Variants in NAP1L4 observed in about 807,000 individuals in gnomAD.
The protein encoded by NAP1L4 is nucleosome assembly protein 1 like 4, also known as nucleosome assembly protein 1-like 4.
NAP1L4 carries 15 observed loss-of-function variants against 58.2 expected under a neutral mutation model. The observed-to-expected ratio is 0.26, with a 90% CI of 0.17 to 0.40. NAP1L4 has a LOEUF of 0.40. Among genes scored for constraint, NAP1L4 ranks in the 10% least tolerant of loss-of-function variants. NAP1L4 has a pLI of 1.00. For synonymous variants in NAP1L4, 171 were observed against 155.6 expected, an observed-to-expected ratio of 1.10 and a Z score of -0.74; for missense variants, 384 against 451.1, an observed-to-expected ratio of 0.85 and a Z score of 1.35.
In NAP1L4 at chr11:2,951,722, G is replaced by C; in HGVS notation, c.1065+58C>G. On this transcript the variant is annotated intron_variant, in intron 13 of 15. Transcript: ENST00000380542. This position sits in a 1 kb window ranked among gnomAD's most constrained non-coding sequence, Gnocchi z 4.0. ...TGTGAGTCCATAACCTTCAAGCAGA[G>C]AAAGCCAAAGAAACAACTTCAGGGA... The C allele has an allele frequency of 1.3e-6, 2 of 1,574,446 alleles. No individual in the cohort carries two copies. Among genetic ancestry groups the C allele is most frequent in the Non-Finnish European group, 1.7e-6 (2 of 1,145,438 alleles).
intron 1 of NAP1L4, among the ~76,000 whole-genome samples, chr11:2,984,878 C>A (rs905374082): frequency 3.3e-5 from 5 of 151,896 alleles, no homozygotes; most frequent in African/African-American, 1.2e-4. Context: ...ACCAACAAAT[C>A]AAGTTACTTT....
intron 10 of NAP1L4, chr11:2,958,155 G>GAA (rs1277949085): frequency 3.0e-6 from 2 of 670,528 alleles, no homozygotes; most frequent in Non-Finnish European, 5.5e-6. Flanking sequence ...CAGCCAAGCA[G>GAA]AGTAAAGCTC....
rs375217887 is a variant in NAP1L4 at position 2,954,665 on chromosome 11, C to T, written c.916-19G>A. The T allele has an allele frequency of 4.1e-5, 66 of 1,613,970 alleles. No individual in the cohort carries two copies. The highest frequency in any genetic ancestry group is 4.7e-5 in the Non-Finnish European group (55 of 1,179,970). On this transcript the variant is annotated intron_variant, in intron 11 of 15. Coordinates refer to ENST00000380542, the MANE Select transcript of NAP1L4 (RefSeq NM_005969.4). This position sits in a 1 kb window ranked among gnomAD's most constrained non-coding sequence, Gnocchi z 4.8. The stretch of plus-strand genomic sequence containing the variant: ...CTTCATCCTGAGGAGGAAAAACCTA[C>T]GTGTTAACTCATTTTAATGGGATAA...
chr11:2,983,378 G>C (rs1355728310), intron 1 of NAP1L4, among the ~76,000 whole-genome samples: 1 of 152,088 alleles, frequency 6.6e-6, no homozygotes, highest in African/African-American at 2.4e-5. Context: ...GAGACACACA[G>C]TCTCACTCTG....
intron 8 of NAP1L4, among the ~76,000 whole-genome samples, chr11:2,962,661 A>G (rs1463992039): frequency 1.3e-5 from 2 of 152,078 alleles, no homozygotes; most frequent in Non-Finnish European, 2.9e-5. Flanking sequence ...ATAATAGGGA[A>G]GTAAAAAGAA....
intron 1 of NAP1L4, among the ~76,000 whole-genome samples, chr11:2,985,527 T>A (rs1564992650): frequency 3.3e-5 from 5 of 152,218 alleles, no homozygotes. Context: ...TGACTATAGT[T>A]AACAACAATG....
chr11:2,949,328 T>C lies in NAP1L4; in HGVS notation c.1123-64A>G, dbSNP rs1355177775. On this transcript the variant is annotated intron_variant, in intron 14 of 15. Coordinates refer to ENST00000380542, the MANE Select transcript of NAP1L4 (RefSeq NM_005969.4). The surrounding 1 kb of genome is among the most constrained non-coding windows in gnomAD (Gnocchi z 4.0). ...AAAGAAAATGAAATGCACAAAATTATACAGGAGGAAACGGCCACAATTTCT... is the reference window on the plus strand; with the variant it reads ...AAAGAAAATGAAATGCACAAAATTACACAGGAGGAAACGGCCACAATTTCT... The C allele has an allele frequency of 2.9e-6, 4 of 1,370,238 alleles. 1 individual carries two copies. The highest frequency in any genetic ancestry group is 4.2e-6 in the Non-Finnish European group (4 of 959,276). The allele number at this position is 1,370,238 out of a possible 1,614,324, so 84.9% of individuals were successfully genotyped here. A position where few individuals can be genotyped will look rare whatever the true frequency, so the allele number is the denominator to read the frequency against.
chr11:2,967,550 A>G (rs915467305), intron 7 of NAP1L4, among the ~76,000 whole-genome samples: 13 of 151,560 alleles, frequency 8.6e-5, no homozygotes, highest in African/African-American at 2.7e-4. Context: ...GGTGGAGCTT[A>G]CAGTGAGCCA....
chr11:2,986,874 C>CT (rs1461513161), intron 1 of NAP1L4, among the ~76,000 whole-genome samples: 3 of 151,466 alleles, frequency 2.0e-5, no homozygotes, highest in Non-Finnish European at 4.4e-5. Flanking sequence ...GGTGATCCAC[C>CT]TGCCTCAACC....
rs751516786 is a variant in NAP1L4, at chr11:2,954,075, T to C, written c.1035+452A>G. ...TTGTTGTTTTCTTCGGGAGCACGGGTTTCTTTTTTTTCCTTTTTACCTAAT... is the reference window on the plus strand; with the variant it reads ...TTGTTGTTTTCTTCGGGAGCACGGGCTTCTTTTTTTTCCTTTTTACCTAAT... On this transcript the variant is annotated intron_variant, in intron 12 of 15. Coordinates refer to ENST00000380542, the MANE Select transcript of NAP1L4 (RefSeq NM_005969.4). This position sits in a 1 kb window ranked among gnomAD's most constrained non-coding sequence, Gnocchi z 4.8. Among the ~76,000 whole-genome samples, 1 of 152,086 alleles carries C rather than the reference T, an allele frequency of 6.6e-6. No homozygotes were observed. Among genetic ancestry groups the C allele is most frequent in the Non-Finnish European group, 1.5e-5 (1 of 68,026 alleles).
At chr11:2,981,135 G>A (rs978857546) in intron 1 of NAP1L4, among the ~76,000 whole-genome samples, 3 of 151,920 alleles carry the variant, frequency 2.0e-5, no homozygotes, top group Non-Finnish European at 4.4e-5. Flanking sequence ...CTACTCAGGA[G>A]GCTGAGGCAG....
At chr11:2,967,724 T>A (rs1847374989) in intron 7 of NAP1L4, among the ~76,000 whole-genome samples, 1 of 152,148 alleles carries the variant, frequency 6.6e-6, no homozygotes, top group Non-Finnish European at 1.5e-5. Context: ...TCTCTGCATA[T>A]TAAATGAGTA....
intron 8 of NAP1L4, chr11:2,960,188 G>C (rs1445292699): frequency 3.3e-6 from 1 of 307,410 alleles, no homozygotes; most frequent in East Asian, 6.4e-5. Context: ...AGAAATCCTA[G>C]CTTCTCTTAG....
intron 12 of NAP1L4, among the ~76,000 whole-genome samples, chr11:2,953,328 G>C (rs1846344336): frequency 6.6e-6 from 1 of 152,236 alleles, no homozygotes; most frequent in African/African-American, 2.4e-5. Flanking sequence ...GATCAAAACA[G>C]TTTCAGATAA....
At chr11:2,983,590 T>C (rs1029083239) in intron 1 of NAP1L4, among the ~76,000 whole-genome samples, 7 of 114,806 alleles carry the variant, frequency 6.1e-5, no homozygotes, top group South Asian at 2.7e-4. Flanking sequence ...CACGGTATTC[T>C]GGAAAAAAAA....
rs189694737 is a variant in NAP1L4 at position 2,959,442 on chromosome 11, G to A, written c.746+328C>T. ...TTCAATAAGTATTTATTTGCTGAGG[G>A]TAATCCATGGATTCAATTTTAAGAA... On this transcript the variant is annotated intron_variant, in intron 9 of 15. Coordinates refer to ENST00000380542, the MANE Select transcript of NAP1L4 (RefSeq NM_005969.4). This position sits in a 1 kb window ranked among gnomAD's most constrained non-coding sequence, Gnocchi z 4.9. Among the ~76,000 whole-genome samples the A allele has an allele frequency of 2.6e-5, 4 of 152,326 alleles. No individual in the cohort carries two copies. Among genetic ancestry groups the A allele is most frequent in the Admixed American group, 2.6e-4 (4 of 15,300 alleles).
intron 1 of NAP1L4, among the ~76,000 whole-genome samples, chr11:2,983,137 A>G (rs914436597): frequency 4.8e-4 from 73 of 152,332 alleles, no homozygotes; most frequent in African/African-American, 1.7e-3. Flanking sequence ...CATTTTGTCT[A>G]CAAATGGAGT....
At chr11:2,958,155 G>C in intron 10 of NAP1L4, 2 of 670,646 alleles carry the variant, frequency 3.0e-6, no homozygotes, top group East Asian at 5.8e-5. Flanking sequence ...CAGCCAAGCA[G>C]AGTAAAGCTC....
intron 8 of NAP1L4, among the ~76,000 whole-genome samples, chr11:2,962,588 T>C (rs1005951743): frequency 2.0e-5 from 3 of 152,238 alleles, no homozygotes; most frequent in African/African-American, 7.2e-5. Flanking sequence ...TGAGATTTAC[T>C]TTTAGAAGAC....
Sources: allele counts gnomAD v4.1 joint callset (sites outside exome capture counted in the v4.1 genomes callset), GRCh38; gene constraint gnomAD v4.1.1; non-coding constraint Gnocchi (gnomAD v3.1); transcripts MANE v1.5; gene names NCBI Gene and HGNC (gene_info 2026-07-23, HGNC 2026-07-21).